PLOD2: variants seen among roughly 807,000 people sequenced by gnomAD.
PLOD2 encodes procollagen-lysine,2-oxoglutarate 5-dioxygenase 2, also known as lysine hydroxylase 2.
In PLOD2, 65 loss-of-function variants were observed where a neutral mutation model predicts 101.0. The observed-to-expected ratio is 0.64, with a 90% CI of 0.53 to 0.79. The LOEUF (loss-of-function observed/expected upper bound fraction) is 0.79, where lower values mean the gene tolerates loss of function less well. Ranked by LOEUF, PLOD2 falls within the 30% of genes least tolerant of loss-of-function variation. The pLI is 0.00. For synonymous variants in PLOD2, 314 were observed against 302.9 expected (o/e 1.04, Z -0.38); for missense variants, 909 against 914.6 (o/e 0.99, Z 0.08).
At chr3:146,131,035 T>C (rs1452081154) in intron 1 of PLOD2, among the ~76,000 whole-genome samples, 3 of 152,206 alleles carry the variant, frequency 2.0e-5, no homozygotes, top group Non-Finnish European at 2.9e-5. Context: ...TTCTGGGTGC[T>C]TGAAATTTTG....
intron 7 of PLOD2, among the ~76,000 whole-genome samples, chr3:146,094,408 G>A (rs13088180): frequency 0.78 from 118,140 of 151,924 alleles, 46,007 homozygotes; most frequent in East Asian, 0.83. Context: ...TTTGTAATCA[G>A]TGTGCAAAAA....
At chr3:146,077,019 T>C in intron 14 of PLOD2, 124 bp from the exon 15 acceptor site, 1 of 1,276,910 alleles carries the variant, frequency 7.8e-7, no homozygotes, top group South Asian at 1.7e-5. Flanking sequence ...CATGCATTTT[T>C]AGTATTCATA....
intron 2 of PLOD2, among the ~76,000 whole-genome samples, chr3:146,122,196 T>C (rs895861955): frequency 3.3e-5 from 5 of 152,238 alleles, no homozygotes; most frequent in African/African-American, 7.2e-5. Context: ...TGTCCTGTTA[T>C]AACTTATCAC....
intron 1 of PLOD2, among the ~76,000 whole-genome samples, chr3:146,160,391 G>A (rs571082685): frequency 6.6e-6 from 1 of 152,280 alleles, no homozygotes; most frequent in African/African-American, 2.4e-5. Context: ...TAAGGTTTTC[G>A]AGCGAGCGTT....
chr3:146,110,325 A>G lies in PLOD2; in HGVS notation c.462T>C (p.Tyr154=). Residue 154 remains tyrosine, a synonymous_variant, in exon 4 of 20, where the codon TAT becomes TAC. Transcript: ENST00000282903. ...LWPDKRLADK[Y]PVVHIGKRYL... ...AGCGTTTCCCAATGTGCACAACAGG[A>G]TACTTGTCTGCTAGTCTTTTATCTG... is the stretch of plus-strand genomic sequence containing the variant. 6.2e-7 allele frequency: 1 copy of G among 1,613,850 alleles called. No homozygotes were observed. Among genetic ancestry groups the G allele is most frequent in the South Asian group, 1.1e-5 (1 of 91,072 alleles).
At chr3:146,123,092 T>C (rs775767950) in intron 2 of PLOD2, among the ~76,000 whole-genome samples, 53 of 152,108 alleles carry the variant, frequency 3.5e-4, no homozygotes, top group Non-Finnish European at 6.6e-4. Flanking sequence ...TTATTAGCTG[T>C]TCTATATTAA....
chr3:146,157,487 TGA>T (rs1364451960), intron 1 of PLOD2, among the ~76,000 whole-genome samples: 1 of 152,152 alleles, frequency 6.6e-6, no homozygotes, highest in Non-Finnish European at 1.5e-5. Context: ...AACAGAAATT[TGA>T]GAGTGCTATT....
intron 1 of PLOD2, among the ~76,000 whole-genome samples, chr3:146,140,249 G>C (rs2031457622): frequency 6.6e-6 from 1 of 152,012 alleles, no homozygotes. Context: ...TATGGGGTCA[G>C]TTCTTATGAC....
intron 3 of PLOD2, 83 bp from the exon 4 acceptor site, chr3:146,110,531 G>A: frequency 8.8e-7 from 1 of 1,138,936 alleles, no homozygotes; most frequent in Non-Finnish European, 1.3e-6. Context: ...TCTAACAAAA[G>A]TCAGAATCAA....
At chr3:146,078,475 A>G (rs369349509) in intron 13 of PLOD2, among the ~76,000 whole-genome samples, 13 of 151,994 alleles carry the variant, frequency 8.6e-5, no homozygotes, top group African/African-American at 3.1e-4. Context: ...ACCAAAAATC[A>G]TATCAATATA....
intron 3 of PLOD2, among the ~76,000 whole-genome samples, chr3:146,115,065 C>A (rs983095998): frequency 1.3e-5 from 2 of 152,098 alleles, no homozygotes; most frequent in Non-Finnish European, 2.9e-5. Context: ...AGCACGGAAC[C>A]TGCCAACATG....
chr3:146,086,510 T>G, intron 10 of PLOD2: 1 of 204,088 alleles, frequency 4.9e-6, no homozygotes, highest in Non-Finnish European at 9.8e-6. Flanking sequence ...ATACTATTCA[T>G]TTATCTGCAT....
At chr3:146,072,434 C>T (rs1576569238) in intron 17 of PLOD2, 127 bp downstream of exon 17, 1 of 714,504 alleles carries the variant, frequency 1.4e-6, no homozygotes, top group Admixed American at 2.1e-5. Context: ...AGAGCCTTGG[C>T]TAGCCAATTT....
At position 146,076,867 on chromosome 3, in the gene PLOD2, T is replaced by C; in HGVS notation, c.1592A>G (p.His531Arg). 1 of 1,572,724 alleles carries C rather than the reference T, an allele frequency of 6.4e-7. No homozygotes were observed. Among genetic ancestry groups the C allele is most frequent in the Non-Finnish European group, 8.7e-7 (1 of 1,143,682 alleles). Residue 531 changes from histidine (H) to arginine (R), a missense_variant, in exon 15 of 20, where the codon CAT becomes CGT. By Grantham distance (29) the His-to-Arg change is conservative. Transcript: ENST00000282903. Reference protein sequence around the residue: ...KGVFMYISNRHEFGRLLSTAN... With the variant: ...KGVFMYISNRREFGRLLSTAN... ...AGTGGATAATAGCCTTCCAAATTCATGTCTATTAGAAATGTACATAAATAC... is the reference window on the plus strand; with the variant it reads ...AGTGGATAATAGCCTTCCAAATTCACGTCTATTAGAAATGTACATAAATAC...
At chr3:146,096,708 T>G in intron 7 of PLOD2, among the ~76,000 whole-genome samples, 1 of 144,122 alleles carries the variant, frequency 6.9e-6, no homozygotes, top group Non-Finnish European at 1.5e-5. Context: ...GTCTGGGAAG[T>G]GAGGAGCGTC....
intron 1 of PLOD2, among the ~76,000 whole-genome samples, chr3:146,141,248 T>C (rs535117282): frequency 2.0e-5 from 3 of 152,106 alleles, no homozygotes; most frequent in Non-Finnish European, 4.4e-5. Flanking sequence ...ATTCTATTAA[T>C]GTGGACCGCT....
intron 7 of PLOD2, among the ~76,000 whole-genome samples, chr3:146,102,230 A>G (rs746035162): frequency 5.9e-5 from 9 of 152,234 alleles, no homozygotes; most frequent in Admixed American, 5.2e-4. Context: ...TTTGCAGTCA[A>G]TAACATTTTT....
chr3:146,134,332 G>A (rs916154777), intron 1 of PLOD2, among the ~76,000 whole-genome samples: 2 of 152,132 alleles, frequency 1.3e-5, no homozygotes, highest in African/African-American at 4.8e-5. Context: ...CAGAATTTAT[G>A]ACTTGGAAAA....
chr3:146,104,217 G>GAT (rs1331091309), intron 6 of PLOD2, 62 bp downstream of exon 6: 5 of 923,776 alleles, frequency 5.4e-6, no homozygotes, highest in Middle Eastern at 2.1e-4. Flanking sequence ...ACAAAGGAAA[G>GAT]ATAGTTGAAA....
Sources: gnomAD v4.1 joint callset for allele counts (sites outside exome capture counted in the v4.1 genomes callset) on GRCh38, gnomAD v4.1.1 for gene constraint, MANE v1.5 for transcripts, NCBI Gene and HGNC (gene_info 2026-07-23, HGNC 2026-07-21) for gene names.